Variants in TKTL1 observed in about 807,000 individuals in gnomAD.
The protein encoded by TKTL1 is transketolase-like protein 1.
Under a neutral mutation model 39.3 loss-of-function variants are expected in TKTL1, and 1 was observed. The ratio of observed to expected loss-of-function variants is 0.03; its 90% CI spans 0.01 to 0.12. TKTL1 has a LOEUF of 0.12. Ranked by LOEUF, TKTL1 falls within the 10% of genes least tolerant of loss-of-function variation. TKTL1 has a pLI of 1.00. For synonymous variants in TKTL1, 262 were observed against 193.8 expected, an observed-to-expected ratio of 1.35 and a Z score of -2.92; for missense variants, 575 against 509.6, an observed-to-expected ratio of 1.13 and a Z score of -1.24.
chrX:154,323,525 A>G (rs1428278741), intron 9 of TKTL1, among the ~76,000 whole-genome samples, 188 bp downstream of exon 9: 1 of 112,483 alleles, frequency 8.9e-6, no homozygotes. Flanking sequence ...AAAAGAGTCC[A>G]ACAGTACAGG....
At position 154,323,296 on chromosome X, in the gene TKTL1, G is replaced by A. The variant is rs200090213; in HGVS notation, c.1276G>A (p.Val426Ile). 3.0e-5 allele frequency: 36 copies of A among 1,209,747 alleles called. 1 individual carries two copies. The Admixed American group carries it at 6.3e-4, about 21-fold the overall frequency. The change falls in exon 9 of 13, where the codon GTC (valine) becomes ATC (isoleucine). Residue 426 changes from valine to isoleucine, a missense_variant. By Grantham distance (29) the Val-to-Ile change is conservative. Transcript: ENST00000369915. ...CACGATCTTCTACCCAACTGATGCC[G>A]TCTCCACGGAGCATGCTGTTGCTCT... is the stretch of plus-strand genomic sequence containing the variant. ...KCTIFYPTDA[V>I]STEHAVALAA...
intron 7 of TKTL1, among the ~76,000 whole-genome samples, chrX:154,319,467 G>GC (rs1264348805): frequency 1.8e-5 from 2 of 111,915 alleles, no homozygotes; most frequent in Admixed American, 1.9e-4. Flanking sequence ...AGACCCAGGG[G>GC]CAGTGGCTCA....
chrX:154,296,722 T>A (rs1251628350), intron 1 of TKTL1, among the ~76,000 whole-genome samples: 7 of 111,457 alleles, frequency 6.3e-5, no homozygotes, highest in Non-Finnish European at 7.5e-5. Flanking sequence ...CATCTTAAAT[T>A]TTTTGGAGTG....
intron 5 of TKTL1, among the ~76,000 whole-genome samples, chrX:154,311,507 CAG>C (rs782612929): frequency 1.3e-4 from 14 of 111,753 alleles, no homozygotes; most frequent in Admixed American, 3.8e-4. Context: ...GGAGGACTGA[CAG>C]GGAACAATCT....
At chrX:154,321,718 G>C (rs1391961753) in intron 8 of TKTL1, among the ~76,000 whole-genome samples, 3 of 106,682 alleles carry the variant, frequency 2.8e-5, no homozygotes, top group Non-Finnish European at 3.9e-5. Context: ...CTTACTAGAT[G>C]TGGCTGCACA....
intron 6 of TKTL1, 25 bp from the exon 7 acceptor site, chrX:154,315,148 C>G: frequency 1.7e-6 from 2 of 1,198,682 alleles, no homozygotes; most frequent in Non-Finnish European, 1.1e-6. Flanking sequence ...AGAAACTCTA[C>G]CACCTGATTG....
intron 1 of TKTL1, among the ~76,000 whole-genome samples, chrX:154,296,484 C>A (rs1181424520): frequency 9.1e-6 from 1 of 109,820 alleles, no homozygotes; most frequent in East Asian, 2.9e-4. Context: ...GGCAACATGG[C>A]GAAACCCCGT....
intron 6 of TKTL1, among the ~76,000 whole-genome samples, chrX:154,313,296 ACT>A (rs2067372901): frequency 8.9e-6 from 1 of 111,894 alleles, no homozygotes; most frequent in East Asian, 2.8e-4. Context: ...TTTTGAACTT[ACT>A]CTCTGAATTA....
At chrX:154,325,474 A>G (rs1241008869) in intron 10 of TKTL1, 52 bp downstream of exon 10, 1 of 1,033,797 alleles carries the variant, frequency 9.7e-7, no homozygotes. Context: ...TGTAAAAAGA[A>G]CACTTCTGAA....
Position 154,295,950 on chromosome X carries a change from T to C in TKTL1, c.91T>C (p.Leu31=). ...LQVLQDMASR[L]RIHSIRATCS... is the part of the protein sequence containing the mutation. ...GGTGTTGCAAGATATGGCCAGCCGC[T>C]TGCGAATCCATTCCATCAGGGCCAC... The change falls in exon 1 of 13, where the codon TTG becomes CTG. Residue 31 remains leucine (L), a synonymous_variant. Coordinates refer to ENST00000369915, the MANE Select transcript of TKTL1 (RefSeq NM_012253.4). The C allele has an allele frequency of 8.3e-7, 1 of 1,211,871 alleles. No individual in the cohort carries two copies. Among genetic ancestry groups the C allele is most frequent in the East Asian group, 3.0e-5 (1 of 33,830 alleles).
At chrX:154,315,838 A>G (rs1165047792) in intron 7 of TKTL1, among the ~76,000 whole-genome samples, 1 of 112,583 alleles carries the variant, frequency 8.9e-6, no homozygotes, top group Non-Finnish European at 1.9e-5. Flanking sequence ...AGGCAAAGCC[A>G]TTCTGCTTAT....
chrX:154,322,834 G>A (rs782151430), intron 8 of TKTL1, among the ~76,000 whole-genome samples: 1 of 111,885 alleles, frequency 8.9e-6, no homozygotes, highest in Non-Finnish European at 1.9e-5. Flanking sequence ...AGAAAAGATA[G>A]AGCAGAAAAG....
chrX:154,305,289 A>G lies in TKTL1; in HGVS notation c.135-15A>G, dbSNP rs1557166991. ...GTTGCTGTGAGAAATGACCAGTGTCATGTCTGTCTTTCAGCCACCCTACAT... is the reference window on the plus strand; with the variant it reads ...GTTGCTGTGAGAAATGACCAGTGTCGTGTCTGTCTTTCAGCCACCCTACAT... On this transcript the variant is annotated splice_polypyrimidine_tract_variant and intron_variant, in intron 1 of 12. Coordinates refer to ENST00000369915, the MANE Select transcript of TKTL1 (RefSeq NM_012253.4). The G allele has an allele frequency of 6.6e-6, 8 of 1,203,205 alleles. No homozygotes were observed. Among genetic ancestry groups the G allele is most frequent in the South Asian group, 5.3e-5 (3 of 56,794 alleles).
chrX:154,297,378 C>G (rs1387543814), intron 1 of TKTL1, among the ~76,000 whole-genome samples: 1 of 110,478 alleles, frequency 9.1e-6, no homozygotes, highest in Admixed American at 9.6e-5. Flanking sequence ...GCCTCAGCCT[C>G]CGGAGTAGCT....
At position 154,315,267 on chromosome X, in the gene TKTL1, C is replaced by G. The variant is rs147127153; in HGVS notation, c.959C>G (p.Thr320Ser). Residue 320 changes from threonine (T) to serine (S), a missense_variant, in exon 7 of 13, where the codon ACT becomes AGT. Coordinates refer to ENST00000369915, the MANE Select transcript of TKTL1 (RefSeq NM_012253.4). Reference sequence around the variant, plus strand: ...CTGGATGGTGACACCAGGTACTCTACTTTCTCTGAGATATTCAACAAGGAG... The same window carrying G: ...CTGGATGGTGACACCAGGTACTCTAGTTTCTCTGAGATATTCAACAAGGAG... Reference protein sequence around the residue: ...VVLDGDTRYSTFSEIFNKEYP... With the variant: ...VVLDGDTRYSSFSEIFNKEYP... 2.5e-6 allele frequency: 3 copies of G among 1,209,267 alleles called. No homozygotes were observed. Among genetic ancestry groups the G allele is most frequent in the Non-Finnish European group, 3.4e-6 (3 of 894,814 alleles).
Position 154,329,721 on chromosome X carries a change from T to C in TKTL1, c.*33T>C. ...GTTAGCTTTGGTCTTTTGGCCTCTT[T>C]ACCCTGTGTTTATGTTTGTTCCAAA... is the stretch of plus-strand genomic sequence containing the variant. On this transcript the variant is annotated 3_prime_UTR_variant, in exon 13 of 13. Transcript: ENST00000369915. 2 of 1,186,868 alleles carry C rather than the reference T, an allele frequency of 1.7e-6. No individual in the cohort carries two copies. The highest frequency in any genetic ancestry group is 2.3e-6 in the Non-Finnish European group (2 of 875,588).
chrX:154,302,838 G>A (rs1256879472), intron 1 of TKTL1, among the ~76,000 whole-genome samples: 3 of 111,578 alleles, frequency 2.7e-5, no homozygotes. Context: ...GTGGAGAAAC[G>A]CAGGAGAAAA....
At chrX:154,327,797 G>A (rs2067504292) in intron 11 of TKTL1, 42 bp from the exon 12 acceptor site, 4 of 1,207,955 alleles carry the variant, frequency 3.3e-6, no homozygotes, top group African/African-American at 1.8e-5. Context: ...ATGTTATTCT[G>A]AGTCTCTTTC....
At chrX:154,325,457 C>T (rs375077916) in intron 10 of TKTL1, 35 bp downstream of exon 10, 29 of 1,104,350 alleles carry the variant, frequency 2.6e-5, no homozygotes, top group Admixed American at 2.2e-4. Flanking sequence ...TATTCAGTAT[C>T]ATCTCCTGTA....
Sources: gnomAD v4.1 joint callset for allele counts (sites outside exome capture counted in the v4.1 genomes callset) on GRCh38, gnomAD v4.1.1 for gene constraint, MANE v1.5 for transcripts, NCBI Gene and HGNC (gene_info 2026-07-23, HGNC 2026-07-21) for gene names.